Variants in ITSN2 observed in about 807,000 individuals in gnomAD.
ITSN2 encodes intersectin 2.
Under a neutral mutation model 243.7 loss-of-function variants are expected in ITSN2, and 156 were observed. The observed-to-expected ratio is 0.64, with a 90% CI of 0.56 to 0.73. The LOEUF (loss-of-function observed/expected upper bound fraction) is 0.73, where lower values mean the gene tolerates loss of function less well. ITSN2 is among the 30% of genes least tolerant of loss of function. ITSN2 has a pLI of 0.00. For synonymous variants in ITSN2, 703 were observed against 699.9 expected, an observed-to-expected ratio of 1.00 and a Z score of -0.07; for missense variants, 1,801 against 1,996.1, an observed-to-expected ratio of 0.90 and a Z score of 1.86.
At position 24,257,876 on chromosome 2, in the gene ITSN2, A is replaced by T. The variant is rs760932535; in HGVS notation, c.2888+12T>A. 6.3e-7 allele frequency: 1 copy of T among 1,598,140 alleles called. No individual in the cohort carries two copies. Among genetic ancestry groups the T allele is most frequent in the East Asian group, 2.2e-5 (1 of 44,796 alleles). On this transcript the variant is annotated intron_variant, in intron 23 of 39. Transcript: ENST00000355123. The stretch of plus-strand genomic sequence containing the variant: ...ACATCCACATCTCATGAAAACACAT[A>T]AAGATGCTTACTCTTCCCGTTTTAC...
At chr2:24,299,103 C>CA (rs980661428) in intron 12 of ITSN2, among the ~76,000 whole-genome samples, 3 of 148,916 alleles carry the variant, frequency 2.0e-5, no homozygotes, top group African/African-American at 7.5e-5. Context: ...CACCTTGGCT[C>CA]ACTGCAACCT....
chr2:24,217,882 A>G (rs1253809424), intron 31 of ITSN2, 25 bp downstream of exon 31: 2 of 1,532,986 alleles, frequency 1.3e-6, no homozygotes, highest in African/African-American at 1.4e-5. Flanking sequence ...GTCAGCGGCA[A>G]TGACAGGTGA....
chr2:24,217,443 C>A (rs1236556738), intron 31 of ITSN2, among the ~76,000 whole-genome samples: 2 of 152,104 alleles, frequency 1.3e-5, no homozygotes, highest in African/African-American at 4.8e-5. Context: ...AGGCACTATC[C>A]CTGAGGGAAG....
intron 17 of ITSN2, among the ~76,000 whole-genome samples, chr2:24,281,497 CTT>C (rs1055481652): frequency 3.0e-4 from 45 of 152,196 alleles, no homozygotes; most frequent in African/African-American, 1.0e-3. Flanking sequence ...GTCCCTCTCT[CTT>C]TGTGCATGTC....
At chr2:24,260,061 C>T (rs1473756265) in intron 22 of ITSN2, among the ~76,000 whole-genome samples, 2 of 152,112 alleles carry the variant, frequency 1.3e-5, no homozygotes, top group African/African-American at 2.4e-5. Flanking sequence ...GCTAGTACTA[C>T]AGGCACATGC....
chr2:24,298,321 C>G (rs1285180895), intron 13 of ITSN2, among the ~76,000 whole-genome samples: 1 of 152,296 alleles, frequency 6.6e-6, no homozygotes, highest in African/African-American at 2.4e-5. Flanking sequence ...CCACTCCTGG[C>G]TAATTTTTGT....
At chr2:24,213,148 T>C (rs1356561972) in intron 32 of ITSN2, among the ~76,000 whole-genome samples, 1 of 152,170 alleles carries the variant, frequency 6.6e-6, no homozygotes, top group Non-Finnish European at 1.5e-5. Flanking sequence ...TTCTCGGAGC[T>C]GATTCACACT....
chr2:24,352,076 A>C (rs1290775505), intron 1 of ITSN2, among the ~76,000 whole-genome samples: 1 of 152,158 alleles, frequency 6.6e-6, no homozygotes, highest in African/African-American at 2.4e-5. Flanking sequence ...CTAATTTATA[A>C]ATTAAACTTT....
At chr2:24,244,755 A>G (rs1243385345) in intron 29 of ITSN2, among the ~76,000 whole-genome samples, 1 of 152,178 alleles carries the variant, frequency 6.6e-6, no homozygotes, top group Non-Finnish European at 1.5e-5. Flanking sequence ...AAACCCTCCA[A>G]TATTTTTGGG....
chr2:24,351,678 C>T (rs1688030140), intron 1 of ITSN2, among the ~76,000 whole-genome samples: 1 of 152,084 alleles, frequency 6.6e-6, no homozygotes, highest in African/African-American at 2.4e-5. Flanking sequence ...CTGCATTGCC[C>T]GCATCTGTCC....
chr2:24,259,391 ATCCT>A (rs1419155805), intron 22 of ITSN2, among the ~76,000 whole-genome samples: 2 of 152,332 alleles, frequency 1.3e-5, no homozygotes, highest in East Asian at 3.9e-4. Flanking sequence ...CTATTGTAAT[ATCCT>A]TCCTTAACTG....
At position 24,298,687 on chromosome 2, in the gene ITSN2, A is replaced by C; in HGVS notation, c.1472T>G (p.Leu491Arg). 1 of 1,603,596 alleles carries C rather than the reference A, an allele frequency of 6.2e-7. No individual in the cohort carries two copies. The highest frequency in any genetic ancestry group is 1.1e-5 in the South Asian group (1 of 88,028). ...TACCAGTGCTTCCAACTCAAGATGAAGATTCTTCTTTTTAGAGTTTAACCT... is the reference window on the plus strand; with the variant it reads ...TACCAGTGCTTCCAACTCAAGATGACGATTCTTCTTTTTAGAGTTTAACCT... ...IVRLNSKKKN[L>R]HLELEALNGK... Residue 491 changes from leucine (L) to arginine (R), a missense_variant, in exon 13 of 40, where the codon CTT becomes CGT. By Grantham distance (102) the Leu-to-Arg change is moderately radical. This residue lies in a region of ITSN2 where 787 missense variants were observed against 803.9 expected (regional missense o/e 0.98). Coordinates refer to ENST00000355123, the MANE Select transcript of ITSN2 (RefSeq NM_006277.3).
intron 1 of ITSN2, among the ~76,000 whole-genome samples, chr2:24,337,648 C>CT (rs751387126): frequency 0.024 from 2,841 of 117,700 alleles, 104 homozygotes; most frequent in Non-Finnish European, 0.033. Context: ...CCACGCCTGG[C>CT]TTTTTTTTTT....
Position 24,278,752 on chromosome 2 carries a change from A to T in ITSN2, c.1945-2903T>A, listed in dbSNP as rs190909536. Among the ~76,000 whole-genome samples the T allele has an allele frequency of 1.7e-3, 255 of 151,276 alleles. 1 individual carries two copies. The highest frequency in any genetic ancestry group is 6.0e-3 in the African/African-American group (247 of 41,042). ...CTGCAACCTCCGCCTCCCGGGTTCA[A>T]GCAATTCTCCTGCCTCAGCCTCTTG... On this transcript the variant is annotated intron_variant, in intron 17 of 39. Coordinates refer to ENST00000355123, the MANE Select transcript of ITSN2 (RefSeq NM_006277.3).
At chr2:24,288,269 G>A (rs1054719921) in intron 15 of ITSN2, among the ~76,000 whole-genome samples, 2 of 151,964 alleles carry the variant, frequency 1.3e-5, no homozygotes, top group Non-Finnish European at 2.9e-5. Flanking sequence ...TTATCGAAGA[G>A]GCTACCTTTT....
rs769394676 is a variant in ITSN2, at chr2:24,310,482, T to C, written c.556+7A>G. 4.3e-6 allele frequency: 7 copies of C among 1,612,988 alleles called. No individual in the cohort carries two copies. In the Admixed American group the frequency reaches 5.0e-5, roughly 12 times the overall value. ...AAATAATGACTCTTTAGAAACAAAGTACTCACTTGAAGAAGAATAAGGAAT... is the reference window on the plus strand; with the variant it reads ...AAATAATGACTCTTTAGAAACAAAGCACTCACTTGAAGAAGAATAAGGAAT... On this transcript the variant is annotated splice_region_variant and intron_variant, in intron 6 of 39. Transcript: ENST00000355123.
intron 30 of ITSN2, among the ~76,000 whole-genome samples, chr2:24,219,443 G>A (rs958870359): frequency 2.6e-5 from 4 of 152,202 alleles, no homozygotes; most frequent in South Asian, 2.1e-4. Context: ...AAAGACGGCC[G>A]GCCTGCTCGG....
At chr2:24,262,029 A>C (rs1675964595) in intron 20 of ITSN2, among the ~76,000 whole-genome samples, 1 of 152,126 alleles carries the variant, frequency 6.6e-6, no homozygotes, top group Admixed American at 6.6e-5. Flanking sequence ...ATGGCTCCTT[A>C]TGCCCTGATT....
intron 18 of ITSN2, 103 bp from the exon 19 acceptor site, chr2:24,272,044 T>G (rs1677425116): frequency 4.1e-6 from 4 of 964,730 alleles, no homozygotes; most frequent in East Asian, 5.3e-5. Context: ...GAACTAGCAA[T>G]GAAGTATTAG....
Sources: gnomAD v4.1 joint callset for allele counts (sites outside exome capture counted in the v4.1 genomes callset) on GRCh38, gnomAD v4.1.1 for gene constraint, gnomAD v4.1.1 regional missense constraint, MANE v1.5 for transcripts, NCBI Gene and HGNC (gene_info 2026-07-23, HGNC 2026-07-21) for gene names.